ABLIM3: variants seen among roughly 807,000 people sequenced by gnomAD.
ABLIM3 encodes the protein actin-binding LIM protein 3.
In ABLIM3, 61 loss-of-function variants were observed where a neutral mutation model predicts 109.5. The ratio of observed to expected loss-of-function variants is 0.56; its 90% CI spans 0.45 to 0.69. The LOEUF (loss-of-function observed/expected upper bound fraction) is 0.69, where lower values mean the gene tolerates loss of function less well. Among genes scored for constraint, ABLIM3 ranks in the 30% least tolerant of loss-of-function variants. ABLIM3 has a pLI of 0.00. For missense variants in ABLIM3, 796 were observed against 889.5 expected, an observed-to-expected ratio of 0.89 and a Z score of 1.34; for synonymous variants, 300 against 324.8, an observed-to-expected ratio of 0.92 and a Z score of 0.82.
chr5:149,170,409 A>G (rs898616984), intron 2 of ABLIM3, among the ~76,000 whole-genome samples: 51 of 152,222 alleles, frequency 3.4e-4, no homozygotes, highest in Middle Eastern at 3.4e-3. Flanking sequence ...AGCCTCAGAG[A>G]GAATTAGGTC....
intron 5 of ABLIM3, among the ~76,000 whole-genome samples, chr5:149,203,108 C>A (rs1326222711): frequency 6.6e-6 from 1 of 151,794 alleles, no homozygotes; most frequent in Non-Finnish European, 1.5e-5. Flanking sequence ...TGCACCACTA[C>A]CCTCACCATC....
chr5:149,141,770 T>C (rs1752478128), intron 1 of ABLIM3, 116 bp downstream of exon 1: 2 of 410,198 alleles, frequency 4.9e-6, no homozygotes, highest in Non-Finnish European at 8.9e-6. Flanking sequence ...GCAGGAATAG[T>C]CCGGGGTGCG....
intron 20 of ABLIM3, among the ~76,000 whole-genome samples, chr5:149,250,926 C>T (rs577415975): frequency 5.3e-5 from 8 of 152,304 alleles, no homozygotes; most frequent in African/African-American, 1.9e-4. Flanking sequence ...GATCCCACAG[C>T]CCACCCCCAA....
At chr5:149,213,735 T>G (rs1263670498) in intron 7 of ABLIM3, among the ~76,000 whole-genome samples, 1 of 152,112 alleles carries the variant, frequency 6.6e-6, no homozygotes, top group Non-Finnish European at 1.5e-5. Flanking sequence ...GGTAGACTGT[T>G]CCTCCCAGGC....
chr5:149,161,865 T>TTG (rs148821120), intron 2 of ABLIM3, among the ~76,000 whole-genome samples: 82 of 151,368 alleles, frequency 5.4e-4, no homozygotes, highest in East Asian at 7.8e-4. Context: ...GGGGTCTACT[T>TTG]TGTGTGTGTG....
At chr5:149,156,017 T>C (rs1353218723) in intron 2 of ABLIM3, among the ~76,000 whole-genome samples, 1 of 152,232 alleles carries the variant, frequency 6.6e-6, no homozygotes, top group Non-Finnish European at 1.5e-5. Flanking sequence ...GCAGACCTAG[T>C]GCAGCAATGC....
chr5:149,259,446 G>T lies in ABLIM3; in HGVS notation c.*1042G>T, dbSNP rs1041675033. The T allele has an allele frequency of 5.9e-6, 9 of 1,527,142 alleles. No individual in the cohort carries two copies. The highest frequency in any genetic ancestry group is 6.1e-6 in the Non-Finnish European group (7 of 1,141,288). The allele number at this position is 1,527,142 out of a possible 1,614,324, so 94.6% of individuals were successfully genotyped here. ...GAAAATAGGCCGTGTCTCAAAGAAA[G>T]GTTCTTGGTCTATGCCTCTGGTCTG... On this transcript the variant is annotated 3_prime_UTR_variant, in exon 24 of 24. Transcript: ENST00000309868.
chr5:149,176,115 C>T (rs1444173491), intron 2 of ABLIM3, among the ~76,000 whole-genome samples: 1 of 152,170 alleles, frequency 6.6e-6, no homozygotes, highest in African/African-American at 2.4e-5. Flanking sequence ...GTACTTCCAC[C>T]CTGCTGCAGC....
At chr5:149,231,438 G>A (rs144236608) in intron 9 of ABLIM3, among the ~76,000 whole-genome samples, 1 of 152,280 alleles carries the variant, frequency 6.6e-6, no homozygotes, top group African/African-American at 2.4e-5. Context: ...GGGGAATGGG[G>A]CCTTTACATC....
chr5:149,183,068 T>C (rs187241145), intron 2 of ABLIM3, among the ~76,000 whole-genome samples: 2 of 152,336 alleles, frequency 1.3e-5, no homozygotes, highest in African/African-American at 4.8e-5. Context: ...TCTGAGTCAA[T>C]TGCAAGTCCC....
At chr5:149,247,965 C>A in intron 18 of ABLIM3, 36 bp downstream of exon 18, 1 of 1,600,584 alleles carries the variant, frequency 6.2e-7, no homozygotes, top group Non-Finnish European at 8.5e-7. Flanking sequence ...GGGGCGGGGA[C>A]ACCTTTCTCT....
At position 149,251,346 on chromosome 5, in the gene ABLIM3, G is replaced by A. The variant is rs757275141; in HGVS notation, c.1789-13G>A. 6 of 1,614,028 alleles carry A rather than the reference G, an allele frequency of 3.7e-6. No homozygotes were observed. The highest frequency in any genetic ancestry group is 3.3e-5 in the South Asian group (3 of 91,030). On this transcript the variant is annotated splice_polypyrimidine_tract_variant and intron_variant, in intron 20 of 23. Coordinates refer to ENST00000309868, the MANE Select transcript of ABLIM3 (RefSeq NM_014945.5). ...CTTATCTCAGGCCAGCCGTGGTTCT[G>A]TCTCTTCTGCAGACACCCAGCGCAG...
intron 14 of ABLIM3, 51 bp downstream of exon 14, chr5:149,240,825 T>A (rs1752747731): frequency 6.5e-7 from 1 of 1,539,704 alleles, no homozygotes; most frequent in Non-Finnish European, 9.0e-7. Context: ...CTCCATGGGG[T>A]CACAGGTGCC....
intron 10 of ABLIM3, among the ~76,000 whole-genome samples, chr5:149,236,538 A>G (rs565897652): frequency 6.6e-6 from 1 of 152,214 alleles, no homozygotes; most frequent in East Asian, 1.9e-4. Context: ...GCATGGCTTC[A>G]GGGGCCATGA....
chr5:149,151,906 GGA>G (rs2127434823), intron 2 of ABLIM3, among the ~76,000 whole-genome samples: 1 of 152,324 alleles, frequency 6.6e-6, no homozygotes, highest in Non-Finnish European at 1.5e-5. Flanking sequence ...GCATAATGCT[GGA>G]GATACAACAG....
At chr5:149,185,202 C>G (rs11168093) in intron 3 of ABLIM3, among the ~76,000 whole-genome samples, 9,421 of 152,132 alleles carry the variant, frequency 0.062, 695 homozygotes, top group African/African-American at 0.18. Context: ...GGAAGTGTTT[C>G]CCAGTTTCTA....
At chr5:149,144,981 T>G (rs1752787514) in intron 2 of ABLIM3, among the ~76,000 whole-genome samples, 1 of 152,246 alleles carries the variant, frequency 6.6e-6, no homozygotes, top group Admixed American at 6.5e-5. Flanking sequence ...ATACTGTATT[T>G]TTTTAAATTT....
At position 149,258,408 on chromosome 5, in the gene ABLIM3, G is replaced by A. The variant is rs772075010; in HGVS notation, c.*4G>A. ...GAAGCAAGCCCGGCTGTTCTAGGCAGAGGCTCTATAAATATATATGCATTT... is the reference window on the plus strand; with the variant it reads ...GAAGCAAGCCCGGCTGTTCTAGGCAAAGGCTCTATAAATATATATGCATTT... On this transcript the variant is annotated 3_prime_UTR_variant, in exon 24 of 24. Coordinates refer to ENST00000309868, the MANE Select transcript of ABLIM3 (RefSeq NM_014945.5). 42 of 1,612,900 alleles carry A rather than the reference G, an allele frequency of 2.6e-5. No homozygotes were observed. The highest frequency in any genetic ancestry group is 3.6e-5 in the Non-Finnish European group (42 of 1,179,718).
intron 17 of ABLIM3, 123 bp from the exon 18 acceptor site, chr5:149,247,659 G>A (rs779941130): frequency 7.8e-7 from 1 of 1,276,306 alleles, no homozygotes; most frequent in Non-Finnish European, 1.1e-6. Context: ...GAGGGACGCT[G>A]GGAAGGCAAA....
Sources: allele counts gnomAD v4.1 joint callset (sites outside exome capture counted in the v4.1 genomes callset), GRCh38; gene constraint gnomAD v4.1.1; transcripts MANE v1.5; gene names NCBI Gene and HGNC (gene_info 2026-07-23, HGNC 2026-07-21).